The following KCNAB1 variants were observed in gnomAD, a reference collection of about 807,000 sequenced individuals.
KCNAB1 encodes the protein potassium voltage-gated channel subfamily A regulatory beta subunit 1.
KCNAB1 carries 35 observed loss-of-function variants against 64.6 expected under a neutral mutation model. The observed-to-expected ratio is 0.54, with a 90% CI of 0.41 to 0.72. The LOEUF (loss-of-function observed/expected upper bound fraction) is 0.72. KCNAB1 is among the 30% of genes least tolerant of loss of function. KCNAB1 has a pLI of 0.00. For missense variants in KCNAB1, 401 were observed against 512.9 expected, an observed-to-expected ratio of 0.78 and a Z score of 2.11; for synonymous variants, 177 against 183.8, an observed-to-expected ratio of 0.96 and a Z score of 0.30.
At chr3:156,501,582 C>T (rs1260104921) in intron 8 of KCNAB1, among the ~76,000 whole-genome samples, 1 of 151,892 alleles carries the variant, frequency 6.6e-6, no homozygotes, top group Non-Finnish European at 1.5e-5. Context: ...CAGGCATGTG[C>T]CACCATGCCT....
At chr3:156,340,593 C>T (rs1175781364) in intron 1 of KCNAB1, among the ~76,000 whole-genome samples, 1 of 152,220 alleles carries the variant, frequency 6.6e-6, no homozygotes, top group Non-Finnish European at 1.5e-5. Flanking sequence ...AGTGCTGCTG[C>T]TGCCTTCTGC....
At chr3:156,225,383 A>G (rs1324663579) in intron 1 of KCNAB1, among the ~76,000 whole-genome samples, 1 of 152,252 alleles carries the variant, frequency 6.6e-6, no homozygotes, top group Non-Finnish European at 1.5e-5. Flanking sequence ...CTTTATGATT[A>G]AAATCCTCAG....
chr3:156,402,897 G>C (rs1714001009), intron 1 of KCNAB1, among the ~76,000 whole-genome samples: 1 of 152,122 alleles, frequency 6.6e-6, no homozygotes, highest in South Asian at 2.1e-4. Flanking sequence ...TATTTTGGTA[G>C]AATTCTACTA....
chr3:156,453,606 C>T (rs1174415068), intron 3 of KCNAB1, among the ~76,000 whole-genome samples: 1 of 152,154 alleles, frequency 6.6e-6, no homozygotes, highest in East Asian at 1.9e-4. Flanking sequence ...ACAGTCAAAA[C>T]AGTACTTACC....
rs1165832066 is a variant in KCNAB1, at chr3:156,282,083, G to A, written c.276-139533G>A. ...AGGGTATCAATTTTGGATCTTTCCT[G>A]CTTTCTCTTGTGGGCATTTAGTGCT... On this transcript the variant is annotated intron_variant, in intron 1 of 13. Coordinates refer to ENST00000490337, the MANE Select transcript of KCNAB1 (RefSeq NM_172160.3). 3.3e-5 allele frequency among the ~76,000 whole-genome samples: 5 copies of A among 150,174 alleles called. No individual in the cohort carries two copies. The South Asian group carries it at 8.4e-4, about 25-fold the overall frequency.
At chr3:156,457,415 A>G in intron 3 of KCNAB1, 38 bp from the exon 4 acceptor site, 1 of 1,613,046 alleles carries the variant, frequency 6.2e-7, no homozygotes, top group Non-Finnish European at 8.5e-7. Flanking sequence ...TTTGGAAAGC[A>G]TTTGGCTTTT....
At chr3:156,503,748 T>A (rs1375744202) in intron 8 of KCNAB1, among the ~76,000 whole-genome samples, 1 of 152,194 alleles carries the variant, frequency 6.6e-6, no homozygotes, top group Non-Finnish European at 1.5e-5. Context: ...CAACCTCCAT[T>A]TATTTATTCT....
intron 1 of KCNAB1, among the ~76,000 whole-genome samples, chr3:156,261,839 G>C (rs1453312642): frequency 1.3e-5 from 2 of 151,952 alleles, no homozygotes; most frequent in South Asian, 2.1e-4. Context: ...TTGCCATCTT[G>C]ACAATATTGA....
intron 2 of KCNAB1, among the ~76,000 whole-genome samples, chr3:156,426,389 A>G (rs1715818661): frequency 1.3e-5 from 2 of 152,190 alleles, no homozygotes; most frequent in Non-Finnish European, 2.9e-5. Flanking sequence ...ATACACCCCT[A>G]TCCCTACACA....
intron 2 of KCNAB1, among the ~76,000 whole-genome samples, chr3:156,428,488 TACACACAC>T (rs4056995): frequency 3.1e-4 from 40 of 127,568 alleles, no homozygotes; most frequent in African/African-American, 7.0e-4. Flanking sequence ...AATTCCTCTA[TACACACAC>T]ACACACACAC....
At chr3:156,469,278 A>G (rs1314556105) in intron 7 of KCNAB1, among the ~76,000 whole-genome samples, 2 of 107,324 alleles carry the variant, frequency 1.9e-5, no homozygotes, top group Non-Finnish European at 3.5e-5. Context: ...TTTTTTGGAG[A>G]CAGAGTCTTA....
In KCNAB1 at chr3:156,462,328, C is replaced by G. The variant is rs16826250; in HGVS notation, c.483-1374C>G. On this transcript the variant is annotated intron_variant, in intron 5 of 13. Transcript: ENST00000490337. The stretch of plus-strand genomic sequence containing the variant: ...GGCAGTGTTTGTATAGAATATGCAG[C>G]TTTGAATAATCAAAAGGACTGCATT... Among the ~76,000 whole-genome samples, 46 of 152,298 alleles carry G rather than the reference C, an allele frequency of 3.0e-4. No homozygotes were observed. The South Asian group carries it at 9.3e-3, about 31-fold the overall frequency.
At chr3:156,257,934 C>T (rs1377627450) in intron 1 of KCNAB1, among the ~76,000 whole-genome samples, 1 of 152,198 alleles carries the variant, frequency 6.6e-6, no homozygotes, top group Non-Finnish European at 1.5e-5. Flanking sequence ...AAAGAGAAGA[C>T]ATTATCTATG....
chr3:156,206,917 G>A (rs1273262351), intron 1 of KCNAB1, among the ~76,000 whole-genome samples: 1 of 152,140 alleles, frequency 6.6e-6, no homozygotes, highest in Non-Finnish European at 1.5e-5. Context: ...AGGAATTTCT[G>A]TTTCTCATTT....
chr3:156,448,187 C>T (rs985203954), intron 2 of KCNAB1, among the ~76,000 whole-genome samples: 3 of 152,172 alleles, frequency 2.0e-5, no homozygotes, highest in Admixed American at 2.0e-4. Context: ...TATACTCTCC[C>T]TTCTTTTAAA....
chr3:156,124,723 A>G (rs568200919), intron 1 of KCNAB1, among the ~76,000 whole-genome samples: 1 of 152,244 alleles, frequency 6.6e-6, no homozygotes, highest in Admixed American at 6.5e-5. Flanking sequence ...TCTCTGTACT[A>G]CACAATGTTT....
chr3:156,198,913 ATTTTTTTTTTTTTTTTTT>A (rs71138701), intron 1 of KCNAB1, among the ~76,000 whole-genome samples: 23 of 21,294 alleles, frequency 1.1e-3, no homozygotes, highest in African/African-American at 5.1e-3. Flanking sequence ...TTATATTTTG[ATTTTTTTTTTTTTTTTTT>A]TTTTTTTTTT....
At chr3:156,288,838 T>C (rs937988676) in intron 1 of KCNAB1, among the ~76,000 whole-genome samples, 4 of 152,238 alleles carry the variant, frequency 2.6e-5, no homozygotes, top group Non-Finnish European at 5.9e-5. Context: ...CTGGCTGTGC[T>C]TAAACTAGAA....
intron 1 of KCNAB1, among the ~76,000 whole-genome samples, chr3:156,126,123 G>C (rs1456997576): frequency 6.6e-6 from 1 of 152,078 alleles, no homozygotes; most frequent in Admixed American, 6.5e-5. Context: ...AGAGTGAGCA[G>C]AGGTGCAGAT....
Sources: gnomAD v4.1 joint callset for allele counts (sites outside exome capture counted in the v4.1 genomes callset) on GRCh38, gnomAD v4.1.1 for gene constraint, MANE v1.5 for transcripts, NCBI Gene and HGNC (gene_info 2026-07-23, HGNC 2026-07-21) for gene names.